TTC23L: variants seen among roughly 807,000 people sequenced by gnomAD.
TTC23L encodes the protein tetratricopeptide repeat domain 23 like.
TTC23L carries 42 observed loss-of-function variants against 48.1 expected under a neutral mutation model. The observed-to-expected ratio is 0.87, with a 90% confidence interval of 0.68 to 1.13. TTC23L has a LOEUF of 1.13. Ranked by LOEUF, TTC23L falls within the 50% of genes most tolerant of loss-of-function variation. TTC23L has a pLI of 0.00. For synonymous variants in TTC23L, 159 were observed against 157.2 expected, an observed-to-expected ratio of 1.01 and a Z score of -0.09; for missense variants, 391 against 421.0, an observed-to-expected ratio of 0.93 and a Z score of 0.62.
intron 2 of TTC23L, among the ~76,000 whole-genome samples, chr5:34,843,536 T>G (rs1179802839): frequency 2.0e-5 from 3 of 152,270 alleles, no homozygotes; most frequent in Non-Finnish European, 4.4e-5. Context: ...CAAGGCTTAA[T>G]TTAAAATATT....
At chr5:34,856,158 C>T (rs1277295091) in intron 4 of TTC23L, among the ~76,000 whole-genome samples, 1 of 152,144 alleles carries the variant, frequency 6.6e-6, no homozygotes, top group Non-Finnish European at 1.5e-5. Context: ...GAGAGGAATG[C>T]TGAGTCCAGT....
exon 9 of TTC23L, chr5:34,880,229 C>CTGTTGCTCG (rs1762131803): frequency 1.2e-6 from 2 of 1,613,248 alleles, no homozygotes; most frequent in African/African-American, 2.7e-5. Flanking sequence ...TATCGAGCAA[C>CTGTTGCTCG]ATTGGGCTCA....
intron 1 of TTC23L, 146 bp from the exon 2 acceptor site, chr5:34,840,519 A>T (rs1253194458): frequency 2.4e-5 from 16 of 658,644 alleles, no homozygotes; most frequent in Non-Finnish European, 4.3e-5. Flanking sequence ...AGCGGTCTCC[A>T]TATCTAAGTA....
At chr5:34,855,662 A>T (rs1760069558) in intron 4 of TTC23L, among the ~76,000 whole-genome samples, 1 of 152,248 alleles carries the variant, frequency 6.6e-6, no homozygotes, top group African/African-American at 2.4e-5. Context: ...ACTAGTACAT[A>T]CACACAGTGG....
the TTC23L span, chr5:34,915,731 G>C: frequency 1.9e-6 from 3 of 1,596,004 alleles, no homozygotes; most frequent in Non-Finnish European, 2.6e-6. Flanking sequence ...CGCGGGCGGC[G>C]AGGCAAGATG....
At chr5:34,909,231 A>G in the TTC23L span, 151 of 1,492,216 alleles carry the variant, frequency 1.0e-4, no homozygotes, top group South Asian at 1.6e-4. Flanking sequence ...TTTATCACCA[A>G]TGACAACCTC....
At chr5:34,905,748 C>CT in the TTC23L span, 2 of 151,948 alleles carry the variant, frequency 1.3e-5, no homozygotes, top group African/African-American at 4.8e-5. Context: ...CCTGCTCTGC[C>CT]TGAGGGAGCA....
intron 8 of TTC23L, among the ~76,000 whole-genome samples, chr5:34,872,323 G>A (rs1761523787): frequency 1.3e-5 from 2 of 152,080 alleles, no homozygotes; most frequent in South Asian, 4.1e-4. Context: ...TGGAAAATAA[G>A]TTTAAATCAT....
At chr5:34,895,308 C>T (rs1309517102) in intron 9 of TTC23L, among the ~76,000 whole-genome samples, 1 of 152,174 alleles carries the variant, frequency 6.6e-6, no homozygotes, top group African/African-American at 2.4e-5. Context: ...AGAATAGTAT[C>T]TATAATGTAG....
exon 7 of TTC23L, chr5:34,867,030 G>A (rs1761104085): frequency 6.2e-7 from 1 of 1,612,144 alleles, no homozygotes; most frequent in South Asian, 1.1e-5. Flanking sequence ...TAGAGCAGCT[G>A]AGGAGGAACC....
At chr5:34,909,310 T>C in the TTC23L span, 3 of 1,611,756 alleles carry the variant, frequency 1.9e-6, no homozygotes, top group Non-Finnish European at 2.5e-6. Context: ...TCAGAATCTT[T>C]GGGATAGTCA....
chr5:34,875,630 C>T (rs561240085), intron 8 of TTC23L, among the ~76,000 whole-genome samples: 38 of 152,262 alleles, frequency 2.5e-4, no homozygotes, highest in African/African-American at 8.9e-4. Flanking sequence ...CCTTTGGCAA[C>T]ACCCTCGCAG....
chr5:34,918,372 G>GA, the TTC23L span: 1 of 1,471,610 alleles, frequency 6.8e-7, no homozygotes, highest in Admixed American at 1.8e-5. Flanking sequence ...AGGGAAAGTG[G>GA]AAAAATAAGG....
chr5:34,845,745 C>T (rs890672645), intron 3 of TTC23L, 72 bp downstream of exon 3: 123 of 1,407,588 alleles, frequency 8.7e-5, no homozygotes, highest in Admixed American at 2.6e-4. Context: ...GCTTTGCCTT[C>T]GATGCAGATT....
At chr5:34,888,429 A>T in intron 9 of TTC23L, 1 of 970,662 alleles carries the variant, frequency 1.0e-6, no homozygotes, top group Non-Finnish European at 1.2e-6. Context: ...GATTCTCTTT[A>T]ACCTGTTGTT....
intron 8 of TTC23L, chr5:34,869,748 TAGAG>T (rs919865819): frequency 1.3e-5 from 2 of 152,218 alleles, no homozygotes; most frequent in Admixed American, 1.3e-4. Flanking sequence ...ATTTTCCAGT[TAGAG>T]AGAGGGACAG....
the TTC23L span, chr5:34,915,087 C>A: frequency 1.2e-4 from 73 of 591,250 alleles, no homozygotes; most frequent in Admixed American, 1.2e-3. Context: ...CCACCTATGT[C>A]ACTTAACTAT....
chr5:34,895,063 ACT>A (rs1763122701), intron 9 of TTC23L, among the ~76,000 whole-genome samples: 1 of 152,210 alleles, frequency 6.6e-6, no homozygotes, highest in African/African-American at 2.4e-5. Flanking sequence ...CTTTGAGATT[ACT>A]GTTTGTCCAG....
chr5:34,862,200 G>T (rs990992410), intron 4 of TTC23L, among the ~76,000 whole-genome samples: 1 of 152,110 alleles, frequency 6.6e-6, no homozygotes, highest in Admixed American at 6.5e-5. Context: ...TCTAGCTGGG[G>T]TCTGGCCTTG....
Sources: allele counts gnomAD v4.1 joint callset (sites outside exome capture counted in the v4.1 genomes callset), GRCh38; gene constraint gnomAD v4.1.1; transcripts MANE v1.5; gene names NCBI Gene and HGNC (gene_info 2026-07-23, HGNC 2026-07-21).